The following SALL3 variants were observed in gnomAD, a reference collection of about 807,000 sequenced individuals.
SALL3 encodes the protein spalt like transcription factor 3.
In SALL3, 25 loss-of-function variants were observed where a neutral mutation model predicts 66.2. The observed-to-expected ratio is 0.38, with a 90% CI of 0.28 to 0.53. The LOEUF (loss-of-function observed/expected upper bound fraction) is 0.53. SALL3 is among the 20% of genes least tolerant of loss of function. The pLI is 0.85. For synonymous variants in SALL3, 1,152 were observed against 899.1 expected (o/e 1.28, Z -5.03); for missense variants, 2,194 against 1,916.5 (o/e 1.14, Z -2.70).
intron 2 of SALL3, among the ~76,000 whole-genome samples, 167 bp downstream of exon 2, chr18:78,995,629 G>A (rs1914665286): frequency 6.6e-6 from 1 of 152,128 alleles, no homozygotes. Context: ...GTGTTATAGG[G>A]TGTGATATGT....
chr18:78,991,390 G>GGC (rs1555706496), intron 1 of SALL3, among the ~76,000 whole-genome samples: 1 of 103,390 alleles, frequency 9.7e-6, no homozygotes, highest in Non-Finnish European at 1.9e-5. Context: ...GGGTGGGGGG[G>GGC]GGGGAACTGC....
At chr18:78,988,591 A>G (rs1568291155) in intron 1 of SALL3, among the ~76,000 whole-genome samples, 2 of 152,210 alleles carry the variant, frequency 1.3e-5, no homozygotes, top group African/African-American at 4.8e-5. Context: ...TGCAGACAGA[A>G]TTTCAATTCC....
In SALL3 at chr18:78,992,701, C is replaced by T. The variant is rs1914490681; in HGVS notation, c.710C>T (p.Pro237Leu). Residue 237 changes from proline to leucine, a missense_variant, in exon 2 of 3, where the codon CCG (proline) becomes CTG (leucine). Physicochemically the swap from Pro to Leu is moderately conservative, Grantham distance 98. Transcript: ENST00000537592. ...RSQVALMQRP[P>L]PRPSLSPAAA... is the part of the protein sequence containing the mutation. ...CAGGTGGCCCTCATGCAGCGCCCGC[C>T]GCCGCGGCCCTCACTCAGCCCCGCG... 4.0e-6 allele frequency: 6 copies of T among 1,501,208 alleles called. No homozygotes were observed. The highest frequency in any genetic ancestry group is 1.5e-5 in the African/African-American group (1 of 68,392). The allele number at this position is 1,501,208 out of a possible 1,614,324, so 93.0% of individuals were successfully genotyped here.
At chr18:78,980,392 G>C (rs1328226234) in intron 1 of SALL3, 36 bp downstream of exon 1, 19 of 1,284,232 alleles carry the variant, frequency 1.5e-5, no homozygotes, top group Non-Finnish European at 1.9e-5. Flanking sequence ...CGGGGGGTCT[G>C]GGGCTGCCCG....
Position 78,996,633 on chromosome 18 carries a change from G to A in SALL3, c.3472-258G>A, listed in dbSNP as rs529983710. 8.5e-5 allele frequency among the ~76,000 whole-genome samples: 13 copies of A among 152,310 alleles called. No individual in the cohort carries two copies. The East Asian group carries it at 1.2e-3, about 14-fold the overall frequency. ...GTGGCCATGTGGGTTTTACACCTTA[G>A]GAGAAAATTACTCGAAAGTTTGTCA... On this transcript the variant is annotated intron_variant, in intron 2 of 2. Coordinates refer to ENST00000537592, the MANE Select transcript of SALL3 (RefSeq NM_171999.4).
intron 1 of SALL3, among the ~76,000 whole-genome samples, chr18:78,987,004 T>A (rs1914267286): frequency 6.6e-6 from 1 of 152,180 alleles, no homozygotes; most frequent in African/African-American, 2.4e-5. Flanking sequence ...ATACACAAAA[T>A]TTATGTAAAA....
In SALL3 at chr18:78,992,119, G is replaced by T; in HGVS notation, c.128G>T (p.Ser43Ile). The T allele has an allele frequency of 6.3e-7, 1 of 1,595,188 alleles. No homozygotes were observed. Among genetic ancestry groups the T allele is most frequent in the Non-Finnish European group, 8.5e-7 (1 of 1,171,888 alleles). ...GAGGACGCAGACAGCGGGCCCGAGA[G>T]CCGCAGCGGGGGCGAGGAGACCAGC... is the stretch of plus-strand genomic sequence containing the variant. Reference protein sequence around the residue: ...GAEDADSGPESRSGGEETSVC... With the variant: ...GAEDADSGPEIRSGGEETSVC... The change falls in exon 2 of 3, where the codon AGC becomes ATC. Residue 43 changes from serine to isoleucine, a missense_variant. By Grantham distance (142) the Ser-to-Ile change is moderately radical (BLOSUM62 -2). Coordinates refer to ENST00000537592, the MANE Select transcript of SALL3 (RefSeq NM_171999.4).
rs1913974832 is a variant in SALL3, at chr18:78,980,328, G to A, written c.54G>A (p.Leu18=). ...KPQHLKSDEE[L]LPPDGAPEHA... Reference sequence around the variant, plus strand: ...AGCACCTCAAGTCGGACGAGGAGCTGCTGCCGCCTGACGGGGCTCCCGAGC... The same window carrying A: ...AGCACCTCAAGTCGGACGAGGAGCTACTGCCGCCTGACGGGGCTCCCGAGC... The change falls in exon 1 of 3, where the codon CTG becomes CTA. Residue 18 remains leucine, a synonymous_variant. Transcript: ENST00000537592. The A allele has an allele frequency of 2.1e-6, 3 of 1,441,672 alleles. No individual in the cohort carries two copies. Among genetic ancestry groups the A allele is most frequent in the Non-Finnish European group, 2.7e-6 (3 of 1,091,924 alleles). The allele number at this position is 1,441,672 out of a possible 1,614,324, so 89.3% of individuals were successfully genotyped here.
chr18:78,995,574 G>T (rs111624871), intron 2 of SALL3, 112 bp downstream of exon 2: 4 of 1,437,694 alleles, frequency 2.8e-6, no homozygotes, highest in Middle Eastern at 1.9e-4. Flanking sequence ...TCCTGGCCAG[G>T]GGGGTGAGAT....
Position 78,980,375 on chromosome 18 carries a change from G to A in SALL3, c.82+19G>A. On this transcript the variant is annotated intron_variant, in intron 1 of 2. Transcript: ENST00000537592. Reference sequence around the variant, plus strand: ...GAGCACGGTGAGGGCCGGGGCTGCGGGGTGGCCGGGGGGTCTGGGGCTGCC... The same window carrying A: ...GAGCACGGTGAGGGCCGGGGCTGCGAGGTGGCCGGGGGGTCTGGGGCTGCC... 7.2e-7 allele frequency: 1 copy of A among 1,392,474 alleles called. No homozygotes were observed. The highest frequency in any genetic ancestry group is 9.4e-7 in the Non-Finnish European group (1 of 1,063,166). 86.3% of individuals were successfully genotyped at this position (1,392,474 alleles called of 1,614,324 possible). A position where few individuals can be genotyped will look rare whatever the true frequency, so the allele number is the denominator to read the frequency against.
In SALL3 at chr18:78,995,308, C is replaced by T. The variant is rs1914652849; in HGVS notation, c.3317C>T (p.Pro1106Leu). The change falls in exon 2 of 3, where the codon CCG becomes CTG. Residue 1106 changes from proline to leucine, a missense_variant. Transcript: ENST00000537592. ...CTGGCGCCCATGCTGGCCCCCCCAC[C>T]GCGCCGGACGCCCAAGCAGCACAAC... ...PGLAPMLAPP[P>L]RRTPKQHNCQ... is the part of the protein sequence containing the mutation. 7 of 1,568,330 alleles carry T rather than the reference C, an allele frequency of 4.5e-6. No homozygotes were observed. Among genetic ancestry groups the T allele is most frequent in the Non-Finnish European group, 5.2e-6 (6 of 1,162,524 alleles).
chr18:78,990,882 G>C (rs1914406851), intron 1 of SALL3, among the ~76,000 whole-genome samples: 1 of 152,156 alleles, frequency 6.6e-6, no homozygotes, highest in Non-Finnish European at 1.5e-5. Context: ...ATGGAAGGTA[G>C]CAACGTTGCT....
At chr18:78,992,030 G>A (rs1191383309) in intron 1 of SALL3, 44 bp from the exon 2 acceptor site, 1 of 1,374,562 alleles carries the variant, frequency 7.3e-7, no homozygotes, top group Non-Finnish European at 9.4e-7. Flanking sequence ...TGAGACGGAG[G>A]GCGGGCGCCG....
At position 78,993,794 on chromosome 18, in the gene SALL3, G is replaced by T. The variant is rs905928161; in HGVS notation, c.1803G>T (p.Leu601=). 7.7e-6 allele frequency: 12 copies of T among 1,556,028 alleles called. No individual in the cohort carries two copies. Among genetic ancestry groups the T allele is most frequent in the Non-Finnish European group, 1.0e-5 (12 of 1,157,570 alleles). The change falls in exon 2 of 3, where the codon CTG becomes CTT. Residue 601 remains leucine (L), a synonymous_variant. Coordinates refer to ENST00000537592, the MANE Select transcript of SALL3 (RefSeq NM_171999.4). ...PPLTKAEPVS[L]PCTNARAGDA... ...TCACTAAAGCCGAGCCCGTCAGCCT[G>T]CCCTGCACCAACGCCAGGGCCGGGG...
rs149889901 is a variant in SALL3, at chr18:78,995,193, C to T, written c.3202C>T (p.His1068Tyr). The change falls in exon 2 of 3, where the codon CAC (histidine) becomes TAC (tyrosine). Residue 1068 changes from histidine to tyrosine, a missense_variant. Physicochemically the swap from His to Tyr is moderately conservative, Grantham distance 83. Transcript: ENST00000537592. ...CATGATCAAAATGGAAGTGAACGGT[C>T]ACGGCAAGGCCATGGCGCTGGGCGA... ...PTMIKMEVNG[H>Y]GKAMALGEGP... 2 of 1,611,224 alleles carry T rather than the reference C, an allele frequency of 1.2e-6. No individual in the cohort carries two copies. The highest frequency in any genetic ancestry group is 4.5e-5 in the East Asian group (2 of 44,850).
Position 78,995,134 on chromosome 18 carries a change from G to A in SALL3, c.3143G>A (p.Ser1048Asn), listed in dbSNP as rs1457900325. The change falls in exon 2 of 3, where the codon AGC becomes AAC. Residue 1048 changes from serine (S) to asparagine (N), a missense_variant. Physicochemically the swap from Ser to Asn is conservative, Grantham distance 46. Transcript: ENST00000537592. ...DPNFALGPSQ[S>N]TPSLISSAAP... ...AACTTTGCTCTAGGTCCCAGCCAAA[G>A]CACTCCTAGCCTGATCTCCAGCGCC... The A allele has an allele frequency of 1.2e-6, 2 of 1,613,728 alleles. No homozygotes were observed. Among genetic ancestry groups the A allele is most frequent in the Non-Finnish European group, 8.5e-7 (1 of 1,180,022 alleles).
Position 78,980,239 on chromosome 18 carries a change from C to T in SALL3, c.-36C>T, listed in dbSNP as rs1340258735. On this transcript the variant is annotated 5_prime_UTR_variant, in exon 1 of 3. Coordinates refer to ENST00000537592, the MANE Select transcript of SALL3 (RefSeq NM_171999.4). ...TCCCCGCCGGCCGCCCCGCTGATGCCGCTGCCCCGCGCGGGGCCCGAGCGC... is the reference window on the plus strand; with the variant it reads ...TCCCCGCCGGCCGCCCCGCTGATGCTGCTGCCCCGCGCGGGGCCCGAGCGC... 8 of 1,114,854 alleles carry T rather than the reference C, an allele frequency of 7.2e-6. No individual in the cohort carries two copies. Among genetic ancestry groups the T allele is most frequent in the Non-Finnish European group, 8.9e-6 (8 of 898,554 alleles). 69.1% of individuals were successfully genotyped at this position (1,114,854 alleles called of 1,614,324 possible).
intron 1 of SALL3, among the ~76,000 whole-genome samples, chr18:78,981,071 C>CCGGGCGCTGGAGACCT (rs934600775): frequency 2.6e-5 from 4 of 152,232 alleles, no homozygotes; most frequent in Non-Finnish European, 4.4e-5. Flanking sequence ...TCCGCCGAGG[C>CCGGGCGCTGGAGACCT]CGGGCGCTGG....
chr18:78,995,024 G>A lies in SALL3; in HGVS notation c.3033G>A (p.Arg1011=), dbSNP rs1568296855. The A allele has an allele frequency of 6.2e-7, 1 of 1,613,866 alleles. No homozygotes were observed. ...KERPFVCALC[R]RGCSTMGNLK... is the part of the protein sequence containing the mutation. ...GGCCATTCGTCTGCGCGCTCTGCAG[G>A]CGAGGGTGCTCCACTATGGGTAATT... is the stretch of plus-strand genomic sequence containing the variant. Residue 1011 remains arginine (R), a synonymous_variant, in exon 2 of 3, where the codon AGG becomes AGA. Transcript: ENST00000537592.
Sources: gnomAD v4.1 joint callset for allele counts (sites outside exome capture counted in the v4.1 genomes callset) on GRCh38, gnomAD v4.1.1 for gene constraint, MANE v1.5 for transcripts, NCBI Gene and HGNC (gene_info 2026-07-23, HGNC 2026-07-21) for gene names.